The following PABPC1 variants were observed in gnomAD, a reference collection of about 807,000 sequenced individuals.
PABPC1 encodes the protein polyadenylate-binding protein 1.
PABPC1 carries 4 observed loss-of-function variants against 74.0 expected under a neutral mutation model. The observed-to-expected ratio is 0.05, with a 90% CI of 0.03 to 0.12. The LOEUF is 0.12. Among genes scored for constraint, PABPC1 ranks in the 10% least tolerant of loss-of-function variants. PABPC1 has a pLI of 1.00. For missense variants in PABPC1, 271 were observed against 821.1 expected (o/e 0.33, Z 8.19); for synonymous variants, 227 against 264.1 (o/e 0.86, Z 1.36).
chr8:100,709,967 G>T, intron 7 of PABPC1: 1 of 409,252 alleles, frequency 2.4e-6, no homozygotes, highest in South Asian at 5.2e-5. Flanking sequence ...AGTGAAGGCT[G>T]CACAGAAACT....
intron 4 of PABPC1, among the ~76,000 whole-genome samples, chr8:100,714,764 C>T (rs1226594939): frequency 6.6e-6 from 1 of 151,860 alleles, no homozygotes; most frequent in Non-Finnish European, 1.5e-5. Context: ...TATTATTTGA[C>T]ATATTAAAAA....
At chr8:100,705,805 TTAGA>T (rs1460669100) in intron 11 of PABPC1, 132 bp from the exon 12 acceptor site, 2 of 667,408 alleles carry the variant, frequency 3.0e-6, no homozygotes, top group African/African-American at 3.6e-5. Context: ...AGTGAGCGAA[TTAGA>T]AAGAAGCCAA....
At chr8:100,704,510 T>C (rs1810330950) in intron 13 of PABPC1, 120 bp from the exon 14 acceptor site, 6 of 853,782 alleles carry the variant, frequency 7.0e-6, no homozygotes, top group Middle Eastern at 2.3e-4. Flanking sequence ...AAAGTATAAA[T>C]TGTTACACTA....
intron 13 of PABPC1, among the ~76,000 whole-genome samples, chr8:100,704,600 C>A (rs1444190641): frequency 2.0e-5 from 3 of 152,224 alleles, no homozygotes; most frequent in African/African-American, 7.2e-5. Context: ...ACTACTCTTT[C>A]CTTGTCCTCC....
At chr8:100,706,838 T>C in intron 10 of PABPC1, 33 bp from the exon 11 acceptor site, 1 of 1,163,470 alleles carries the variant, frequency 8.6e-7, no homozygotes, top group African/African-American at 1.9e-5. Flanking sequence ...ATTTTTATCT[T>C]GCTCTTTCAA....
At chr8:100,717,665 C>G (rs112096984) in intron 3 of PABPC1, 108 bp downstream of exon 3, 6 of 664,814 alleles carry the variant, frequency 9.0e-6, no homozygotes, top group Non-Finnish European at 1.6e-5. Context: ...ATTCTTTTAT[C>G]TTATGTGCAT....
Position 100,707,017 on chromosome 8 carries a change from A to C in PABPC1, c.1337-20T>G. 1.3e-6 allele frequency: 2 copies of C among 1,531,180 alleles called. No individual in the cohort carries two copies. The highest frequency in any genetic ancestry group is 1.8e-6 in the Non-Finnish European group (2 of 1,105,328). 94.8% of individuals were successfully genotyped at this position (1,531,180 alleles called of 1,614,324 possible). On this transcript the variant is annotated intron_variant, in intron 9 of 14. Transcript: ENST00000318607. ...GGAATGCTGCATTTTAAAGATGTGA[A>C]TATACATTAACTGGGAAAACTTACT...
intron 1 of PABPC1, among the ~76,000 whole-genome samples, chr8:100,719,735 C>T (rs1344408758): frequency 6.6e-6 from 1 of 152,144 alleles, no homozygotes; most frequent in African/African-American, 2.4e-5. Context: ...AAACGTTAAG[C>T]TGAGAAAGAG....
rs779845007 is a variant in PABPC1, at chr8:100,712,347, C to T, written c.972+15G>A. ...TTTACTAGACCTCAAATAAATGAAC[C>T]ATATGTTTTCTTACCTTTGCACTAG... On this transcript the variant is annotated intron_variant, in intron 7 of 14. Coordinates refer to ENST00000318607, the MANE Select transcript of PABPC1 (RefSeq NM_002568.4). The T allele has an allele frequency of 6.9e-7, 1 of 1,452,342 alleles. No homozygotes were observed. The highest frequency in any genetic ancestry group is 9.5e-7 in the Non-Finnish European group (1 of 1,055,486). The allele number at this position is 1,452,342 out of a possible 1,614,324, so 90.0% of individuals were successfully genotyped here.
rs1810283999 is a variant in PABPC1, at chr8:100,703,062, T to C, written c.*299A>G. The C allele has an allele frequency of 6.2e-6, 1 of 161,292 alleles. No individual in the cohort carries two copies. Among genetic ancestry groups the C allele is most frequent in the African/African-American group, 2.4e-5 (1 of 41,484 alleles). The allele number at this position is 161,292 out of a possible 1,614,324, so 10.0% of individuals were successfully genotyped here. On this transcript the variant is annotated 3_prime_UTR_variant, in exon 15 of 15. Transcript: ENST00000318607. ...ATTACAAAATTAAAGAAAGGAATGCTTTAAATTTTTGTACTTTGCTGAAAA... is the reference window on the plus strand; with the variant it reads ...ATTACAAAATTAAAGAAAGGAATGCCTTAAATTTTTGTACTTTGCTGAAAA...
chr8:100,705,698 AG>A, intron 11 of PABPC1, 25 bp from the exon 12 acceptor site: 1 of 1,470,424 alleles, frequency 6.8e-7, no homozygotes, highest in Non-Finnish European at 9.5e-7. Flanking sequence ...AGAACTCTTA[AG>A]TTTAAAGCAC....
Position 100,713,179 on chromosome 8 carries a change from G to T in PABPC1, c.646C>A (p.Pro216Thr). 1 of 1,584,410 alleles carries T rather than the reference G, an allele frequency of 6.3e-7. No homozygotes were observed. The highest frequency in any genetic ancestry group is 8.6e-7 in the Non-Finnish European group (1 of 1,167,602). Reference sequence around the variant, plus strand: ...GTCATTACTTTCACACTTAAGGCAGGCCCTAAAAAATTTTTTTACATAAAT... The same window carrying T: ...GTCATTACTTTCACACTTAAGGCAGTCCCTAAAAAATTTTTTTACATAAAT... ...RLKDLFGKFG[P>T]ALSVKVMTDE... Residue 216 changes from proline to threonine, a missense_variant and splice_region_variant, in exon 5 of 15, where the codon CCT becomes ACT. Physicochemically the swap from Pro to Thr is conservative, Grantham distance 38. Transcript: ENST00000318607.
chr8:100,713,936 C>A lies in PABPC1; in HGVS notation c.644-755G>T, dbSNP rs555289898. ...ATTTGAAAGACAGGGAAAAAAAATT[C>A]TTTTTAAAGACACAGGTGAACTACC... On this transcript the variant is annotated intron_variant, in intron 4 of 14. Coordinates refer to ENST00000318607, the MANE Select transcript of PABPC1 (RefSeq NM_002568.4). Among the ~76,000 whole-genome samples the A allele has an allele frequency of 5.3e-5, 8 of 150,996 alleles. No individual in the cohort carries two copies. The South Asian group carries it at 1.7e-3, about 32-fold the overall frequency.
chr8:100,713,365 G>A (rs970475675), intron 4 of PABPC1, among the ~76,000 whole-genome samples, 184 bp from the exon 5 acceptor site: 2 of 152,124 alleles, frequency 1.3e-5, no homozygotes, highest in East Asian at 3.8e-4. Flanking sequence ...TATTAAGAAG[G>A]TAAACACCTT....
intron 1 of PABPC1, 132 bp from the exon 2 acceptor site, chr8:100,718,412 AAGATGGCT>A (rs1323264339): frequency 7.2e-6 from 5 of 692,172 alleles, no homozygotes; most frequent in Non-Finnish European, 1.2e-5. Flanking sequence ...TTTAAGCTTC[AAGATGGCT>A]AGACCTTTCA....
intron 7 of PABPC1, 55 bp downstream of exon 7, chr8:100,712,307 C>CTATACA: frequency 2.0e-6 from 2 of 986,900 alleles, no homozygotes; most frequent in Non-Finnish European, 3.1e-6. Flanking sequence ...ATACATATAT[C>CTATACA]TACATGTATG....
intron 1 of PABPC1, among the ~76,000 whole-genome samples, chr8:100,719,388 G>T (rs1587169940): frequency 1.4e-5 from 2 of 142,248 alleles, no homozygotes; most frequent in South Asian, 4.4e-4. Context: ...AGCTTCCCTA[G>T]TTTTTTTTTT....
intron 13 of PABPC1, 138 bp from the exon 14 acceptor site, chr8:100,704,528 A>T: frequency 1.4e-6 from 1 of 739,902 alleles, no homozygotes; most frequent in Non-Finnish European, 2.3e-6. Flanking sequence ...CTAAACAACT[A>T]TATCCATTCA....
intron 9 of PABPC1, among the ~76,000 whole-genome samples, chr8:100,708,663 A>T (rs1810445193): frequency 6.6e-6 from 1 of 152,050 alleles, no homozygotes; most frequent in South Asian, 2.1e-4. Flanking sequence ...ATGACCTGAG[A>T]TCAGGAGCTC....
Sources: gnomAD v4.1 joint callset for allele counts (sites outside exome capture counted in the v4.1 genomes callset) on GRCh38, gnomAD v4.1.1 for gene constraint, MANE v1.5 for transcripts, NCBI Gene and HGNC (gene_info 2026-07-23, HGNC 2026-07-21) for gene names.